SPG11: variants seen among roughly 807,000 people sequenced by gnomAD.
SPG11 encodes spatacsin.
In SPG11, 222 loss-of-function variants were observed where a neutral mutation model predicts 274.0. The observed-to-expected ratio is 0.81, with a 90% CI of 0.73 to 0.91. The LOEUF is 0.91. Ranked by LOEUF, SPG11 falls within the 40% of genes least tolerant of loss-of-function variation. The pLI is 0.00. For synonymous variants in SPG11, 1,144 were observed against 1,039.7 expected (o/e 1.10, Z -1.93); for missense variants, 3,114 against 2,872.7 (o/e 1.08, Z -1.92).
At chr15:44,592,280 A>AT in intron 27 of SPG11, 51 bp downstream of exon 27, 1 of 1,142,662 alleles carries the variant, frequency 8.8e-7, no homozygotes, top group Non-Finnish European at 1.3e-6. Flanking sequence ...AAGTCCATGC[A>AT]TGCCAACCAA....
At chr15:44,637,548 A>T (rs1301620059) in intron 7 of SPG11, among the ~76,000 whole-genome samples, 1 of 152,164 alleles carries the variant, frequency 6.6e-6, no homozygotes, top group Non-Finnish European at 1.5e-5. Context: ...TCCTGGCCTC[A>T]AGTGATCTGC....
At chr15:44,595,086 G>C (rs531847834) in intron 26 of SPG11, among the ~76,000 whole-genome samples, 173 bp downstream of exon 26, 1 of 152,280 alleles carries the variant, frequency 6.6e-6, no homozygotes, top group African/African-American at 2.4e-5. Flanking sequence ...CAAAGTGCTG[G>C]GATTACAGGC....
chr15:44,598,215 T>C (rs1361595949), intron 23 of SPG11, 50 bp downstream of exon 23: 1 of 1,391,080 alleles, frequency 7.2e-7, no homozygotes, highest in South Asian at 1.2e-5. Flanking sequence ...CAAACACAGG[T>C]TGGCACAATA....
Position 44,611,035 on chromosome 15 carries a change from A to T in SPG11, c.3146-50T>A, listed in dbSNP as rs764648392. On this transcript the variant is annotated intron_variant, in intron 17 of 39. Transcript: ENST00000261866. ...TCTCCTTAAGAGGGATAAATACTAAATTAAGGATTACATAAATGTGAGAAC... is the reference window on the plus strand; with the variant it reads ...TCTCCTTAAGAGGGATAAATACTAATTTAAGGATTACATAAATGTGAGAAC... 3 of 1,521,134 alleles carry T rather than the reference A, an allele frequency of 2.0e-6. No homozygotes were observed. In the Admixed American group the frequency reaches 5.0e-5, roughly 26 times the overall value. 94.2% of individuals were successfully genotyped at this position (1,521,134 alleles called of 1,614,324 possible).
In SPG11 at chr15:44,659,275, C is replaced by T. The variant is rs760947042; in HGVS notation, c.471G>A (p.Leu157=). ...ISISLLSLRI[L]SFHNNTSLLF... ...GTAATGATGTGTTATTGTGAAATGA[C>T]AGGATTCTCAAAGACAATAAGGAAA... Residue 157 remains leucine (L), a synonymous_variant, in exon 3 of 40, where the codon CTG becomes CTA. Transcript: ENST00000261866. 5 of 1,613,884 alleles carry T rather than the reference C, an allele frequency of 3.1e-6. No individual in the cohort carries two copies. In the African/African-American group the frequency reaches 5.3e-5, roughly 17 times the overall value.
intron 28 of SPG11, among the ~76,000 whole-genome samples, chr15:44,587,333 T>G (rs1183328436): frequency 6.6e-6 from 1 of 152,298 alleles, no homozygotes; most frequent in African/African-American, 2.4e-5. Flanking sequence ...GGCAGCAGTC[T>G]GATTCAGGTA....
intron 30 of SPG11, 128 bp from the exon 31 acceptor site, chr15:44,575,169 G>T: frequency 8.8e-7 from 1 of 1,135,160 alleles, no homozygotes. Context: ...CTGGGGATAG[G>T]ACCACTGCTG....
chr15:44,568,488 G>A (rs937184878), intron 35 of SPG11, among the ~76,000 whole-genome samples: 2 of 152,186 alleles, frequency 1.3e-5, no homozygotes, highest in Non-Finnish European at 2.9e-5. Context: ...ATGAGCAGAA[G>A]CAATGAATCA....
intron 27 of SPG11, among the ~76,000 whole-genome samples, chr15:44,591,593 A>G (rs1454364645): frequency 1.3e-5 from 2 of 152,156 alleles, no homozygotes; most frequent in South Asian, 2.1e-4. Context: ...TAATGTGCCT[A>G]TTTTCTGTGG....
rs1274551536 is a variant in SPG11, at chr15:44,600,454, T to C, written c.3686+13A>G. The stretch of plus-strand genomic sequence containing the variant: ...CCACTGTACCCAGACAAAATTATAT[T>C]TTAAATACTCACAGCTGCTTGGGAG... On this transcript the variant is annotated intron_variant, in intron 21 of 39. Coordinates refer to ENST00000261866, the MANE Select transcript of SPG11 (RefSeq NM_025137.4). 1 of 1,613,702 alleles carries C rather than the reference T, an allele frequency of 6.2e-7. No individual in the cohort carries two copies. Among genetic ancestry groups the C allele is most frequent in the African/African-American group, 1.3e-5 (1 of 74,880 alleles).
intron 8 of SPG11, among the ~76,000 whole-genome samples, chr15:44,631,648 A>C (rs2084063847): frequency 6.6e-6 from 1 of 151,354 alleles, no homozygotes; most frequent in South Asian, 2.1e-4. Context: ...ATTTAACATG[A>C]AACTGCATCA....
rs1417094520 is a variant in SPG11, at chr15:44,592,312, C to T, written c.4743+19G>A. On this transcript the variant is annotated intron_variant, in intron 27 of 39. Coordinates refer to ENST00000261866, the MANE Select transcript of SPG11 (RefSeq NM_025137.4). ...CCAAGTGCAGATCAGTGAGAAAGAG[C>T]ACCATAATTCCAACTTACCGTTTCA... 1.4e-6 allele frequency: 2 copies of T among 1,449,716 alleles called. No homozygotes were observed. Among genetic ancestry groups the T allele is most frequent in the Admixed American group, 1.7e-5 (1 of 59,732 alleles). 89.8% of individuals were successfully genotyped at this position (1,449,716 alleles called of 1,614,324 possible).
rs1160341107 is a variant in SPG11, at chr15:44,573,457, G to T, written c.6205+90C>A. 5 of 1,356,152 alleles carry T rather than the reference G, an allele frequency of 3.7e-6. No individual in the cohort carries two copies. The East Asian group carries it at 1.2e-4, about 32-fold the overall frequency. The allele number at this position is 1,356,152 out of a possible 1,614,324, so 84.0% of individuals were successfully genotyped here. A position where few individuals can be genotyped will look rare whatever the true frequency, so the allele number is the denominator to read the frequency against. ...CAGAAACTTGAGAGAACCACATACA[G>T]GATGTATATAAGCACAACATCCAAA... is the stretch of plus-strand genomic sequence containing the variant. On this transcript the variant is annotated intron_variant, in intron 32 of 39. Transcript: ENST00000261866.
intron 15 of SPG11, 130 bp downstream of exon 15, chr15:44,620,060 A>AAATTTT (rs2083697841): frequency 2.5e-6 from 2 of 806,070 alleles, no homozygotes; most frequent in Non-Finnish European, 4.1e-6. Context: ...GATGCCCTTT[A>AAATTTT]AATTTTATAG....
chr15:44,592,436 A>T lies in SPG11; in HGVS notation c.4638T>A (p.Asp1546Glu). ...TCTCCATCACCAGTAGTAACGGGGA[A>T]TCCTTTGACAAAGAGTTTGAAAAAA... ...LIRGFQLFFK[D>E]SPLLLVMEMY... The change falls in exon 27 of 40, where the codon GAT (aspartate) becomes GAA (glutamate). Residue 1546 changes from aspartate to glutamate, a missense_variant and splice_region_variant. Asp to Glu is a conservative substitution (Grantham distance 45). Coordinates refer to ENST00000261866, the MANE Select transcript of SPG11 (RefSeq NM_025137.4). 3.2e-6 allele frequency: 5 copies of T among 1,569,978 alleles called. No homozygotes were observed. The highest frequency in any genetic ancestry group is 4.4e-6 in the Non-Finnish European group (5 of 1,139,974).
At position 44,598,231 on chromosome 15, in the gene SPG11, G is replaced by C. The variant is rs199690087; in HGVS notation, c.4001+34C>G. On this transcript the variant is annotated intron_variant, in intron 23 of 39. Coordinates refer to ENST00000261866, the MANE Select transcript of SPG11 (RefSeq NM_025137.4). ...AAACACAGGTTGGCACAATAAGCTT[G>C]TTAGAAAAGAGGCTGAGACTGCAAC... 1.1e-5 allele frequency: 17 copies of C among 1,533,800 alleles called. No individual in the cohort carries two copies. The East Asian group carries it at 3.6e-4, about 32-fold the overall frequency.
At chr15:44,651,442 A>G (rs1335596459) in intron 6 of SPG11, 49 bp downstream of exon 6, 3 of 1,522,054 alleles carry the variant, frequency 2.0e-6, no homozygotes, top group African/African-American at 1.4e-5. Context: ...TACAGTAGGA[A>G]AGCATACATC....
At chr15:44,592,585 G>T in intron 26 of SPG11, 147 bp from the exon 27 acceptor site, 16 of 660,756 alleles carry the variant, frequency 2.4e-5, no homozygotes, top group Non-Finnish European at 4.1e-5. Flanking sequence ...TTGGGAAGCC[G>T]AGCCAGTGGG....
chr15:44,587,819 A>ATGTTT (rs2082806902), intron 28 of SPG11, among the ~76,000 whole-genome samples: 1 of 152,046 alleles, frequency 6.6e-6, no homozygotes, highest in African/African-American at 2.4e-5. Context: ...TATTATAGTC[A>ATGTTT]TGTTTAACAA....
Sources: gnomAD v4.1 joint callset for allele counts (sites outside exome capture counted in the v4.1 genomes callset) on GRCh38, gnomAD v4.1.1 for gene constraint, MANE v1.5 for transcripts, NCBI Gene and HGNC (gene_info 2026-07-23, HGNC 2026-07-21) for gene names.